CES5A: variants seen among roughly 807,000 people sequenced by gnomAD.
CES5A encodes carboxylesterase 5A.
A neutral mutation model predicts 62.9 loss-of-function variants in CES5A; 67 were observed. That is an observed-to-expected ratio of 1.07 (90% CI 0.88 to 1.31). The LOEUF (loss-of-function observed/expected upper bound fraction) is 1.31. Among genes scored for constraint, CES5A ranks in the 50% most tolerant of loss-of-function variants. The pLI, the probability that CES5A is intolerant of heterozygous loss-of-function variation, is 0.00. For missense variants in CES5A, 748 were observed against 708.5 expected (o/e 1.06, Z -0.63); for synonymous variants, 296 against 280.8 (o/e 1.05, Z -0.54).
chr16:55,893,521 A>T (rs2033901823), intron 1 of CES5A, among the ~76,000 whole-genome samples: 1 of 152,140 alleles, frequency 6.6e-6, no homozygotes, highest in Non-Finnish European at 1.5e-5. Context: ...TCAGTAGAGA[A>T]ATGAAAACTC....
At chr16:55,865,625 C>T (rs1282144177) in intron 5 of CES5A, among the ~76,000 whole-genome samples, 2 of 152,196 alleles carry the variant, frequency 1.3e-5, no homozygotes, top group Non-Finnish European at 1.5e-5. Context: ...TATCTTTTGG[C>T]ATTTCATGTC....
chr16:55,941,580 C>T (rs547213005), intron 2 of CES5A, among the ~76,000 whole-genome samples: 5 of 152,084 alleles, frequency 3.3e-5, no homozygotes, highest in Admixed American at 2.0e-4. Flanking sequence ...CAATAAAAAT[C>T]CCAGGAGGAT....
intron 10 of CES5A, among the ~76,000 whole-genome samples, chr16:55,850,287 T>G (rs2033104586): frequency 6.6e-6 from 1 of 152,198 alleles, no homozygotes; most frequent in Non-Finnish European, 1.5e-5. Flanking sequence ...TTTAGTACAT[T>G]TAGGATGTTG....
At chr16:55,920,761 T>A (rs927692116) in intron 1 of CES5A, among the ~76,000 whole-genome samples, 1 of 152,170 alleles carries the variant, frequency 6.6e-6, no homozygotes, top group African/African-American at 2.4e-5. Context: ...TCTTCTCAAA[T>A]GGACAAAGCA....
chr16:55,861,638 A>G, intron 6 of CES5A, 122 bp from the exon 7 acceptor site: 1 of 719,244 alleles, frequency 1.4e-6, no homozygotes, highest in Non-Finnish European at 2.5e-6. Flanking sequence ...CATCCTGCTA[A>G]CACTGCCTAG....
chr16:55,849,240 A>T (rs2033078834), intron 11 of CES5A, among the ~76,000 whole-genome samples: 1 of 152,152 alleles, frequency 6.6e-6, no homozygotes, highest in Non-Finnish European at 1.5e-5. Context: ...TATGAAAAAC[A>T]TGGTCCTTGC....
At chr16:55,861,272 T>A in intron 7 of CES5A, 140 bp downstream of exon 7, 1 of 620,024 alleles carries the variant, frequency 1.6e-6, no homozygotes, top group South Asian at 2.0e-5. Context: ...CCCTACTTAT[T>A]TTTTTACAGC....
intron 2 of CES5A, among the ~76,000 whole-genome samples, chr16:55,937,450 C>T (rs1388233931): frequency 2.0e-5 from 3 of 152,238 alleles, no homozygotes; most frequent in Non-Finnish European, 4.4e-5. Flanking sequence ...CTTCCACTCA[C>T]ATTCCATTGC....
At chr16:55,861,587 G>T (rs2033352014) in intron 6 of CES5A, 71 bp from the exon 7 acceptor site, 2 of 1,127,352 alleles carry the variant, frequency 1.8e-6, no homozygotes, top group East Asian at 4.9e-5. Flanking sequence ...GCTTGAAAAT[G>T]CCCTCCAATC....
At chr16:55,864,025 C>A (rs538208070) in intron 5 of CES5A, among the ~76,000 whole-genome samples, 1 of 152,086 alleles carries the variant, frequency 6.6e-6, no homozygotes, top group Non-Finnish European at 1.5e-5. Flanking sequence ...GGATGACAGG[C>A]GTGAGCCACC....
chr16:55,953,649 G>C (rs1358427104), intron 1 of CES5A, among the ~76,000 whole-genome samples: 4 of 152,154 alleles, frequency 2.6e-5, no homozygotes, highest in Non-Finnish European at 4.4e-5. Flanking sequence ...TGGTTGTGAT[G>C]TTACTAGGTG....
At chr16:55,937,938 T>G (rs1330203258) in intron 2 of CES5A, among the ~76,000 whole-genome samples, 3 of 152,210 alleles carry the variant, frequency 2.0e-5, no homozygotes, top group Non-Finnish European at 1.5e-5. Context: ...CCCCCTAGTT[T>G]GGGATCCTGA....
At chr16:55,941,224 A>G (rs1046994716) in intron 2 of CES5A, among the ~76,000 whole-genome samples, 24 of 152,222 alleles carry the variant, frequency 1.6e-4, no homozygotes, top group African/African-American at 5.3e-4. Flanking sequence ...TTTGTAGATG[A>G]CATAGCGTTC....
chr16:55,867,925 A>G (rs1282837045), intron 4 of CES5A, among the ~76,000 whole-genome samples: 2 of 152,144 alleles, frequency 1.3e-5, no homozygotes, highest in Non-Finnish European at 2.9e-5. Context: ...GGCCTGCATC[A>G]AGACAGTGCC....
intron 9 of CES5A, among the ~76,000 whole-genome samples, chr16:55,854,433 A>G (rs1417647270): frequency 6.6e-6 from 1 of 151,526 alleles, no homozygotes; most frequent in African/African-American, 2.4e-5. Context: ...TATCATCAAT[A>G]TCTCTCAAAC....
rs571502224 is a variant in CES5A, at chr16:55,853,124, C to T, written c.1126-96G>A. 343 of 1,279,258 alleles carry T rather than the reference C, an allele frequency of 2.7e-4. No homozygotes were observed. The African/African-American group carries it at 4.3e-3, about 16-fold the overall frequency. The allele number at this position is 1,279,258 out of a possible 1,614,324, so 79.2% of individuals were successfully genotyped here. On this transcript the variant is annotated intron_variant, in intron 9 of 12. Transcript: ENST00000290567. ...GCAGGTATGATTCTGAATGCTTTAC[C>T]CACATTGCTTCATTTAACCCACACA... is the stretch of plus-strand genomic sequence containing the variant.
intron 1 of CES5A, among the ~76,000 whole-genome samples, chr16:55,903,493 T>C (rs1487990332): frequency 2.6e-5 from 4 of 152,236 alleles, no homozygotes; most frequent in Admixed American, 2.6e-4. Flanking sequence ...TGAGGAGACC[T>C]AGGCAAGTCA....
intron 1 of CES5A, among the ~76,000 whole-genome samples, chr16:55,890,437 T>C (rs1345318): frequency 0.013 from 2,020 of 152,176 alleles, 48 homozygotes; most frequent in African/African-American, 0.046. Flanking sequence ...GAGAATTCTG[T>C]GCAAGCATTT....
At chr16:55,863,929 G>T (rs549638494) in intron 5 of CES5A, among the ~76,000 whole-genome samples, 23 of 151,826 alleles carry the variant, frequency 1.5e-4, no homozygotes, top group Non-Finnish European at 2.2e-4. Flanking sequence ...GCTAATTTTT[G>T]TATTTTTAGC....
Sources: gnomAD v4.1 joint callset for allele counts (sites outside exome capture counted in the v4.1 genomes callset) on GRCh38, gnomAD v4.1.1 for gene constraint, MANE v1.5 for transcripts, NCBI Gene and HGNC (gene_info 2026-07-23, HGNC 2026-07-21) for gene names.